Variants in PCBP3 observed in about 807,000 individuals in gnomAD.
The protein encoded by PCBP3 is poly(rC)-binding protein 3.
In PCBP3, 25 loss-of-function variants were observed where a neutral mutation model predicts 52.7. The ratio of observed to expected loss-of-function variants is 0.47; its 90% CI spans 0.35 to 0.66. The LOEUF (loss-of-function observed/expected upper bound fraction) is 0.66. Among genes scored for constraint, PCBP3 ranks in the 30% least tolerant of loss-of-function variants. The probability of loss-of-function intolerance (pLI) is 0.01; values close to 1 mark genes in which losing one functional copy is unlikely to be tolerated. For missense variants in PCBP3, 391 were observed against 490.3 expected (o/e 0.80, Z 1.91); for synonymous variants, 162 against 183.0 (o/e 0.89, Z 0.93).
chr21:45,646,107 C>CTCTCTCTCTGTG (rs1555895746), intron 1 of PCBP3, among the ~76,000 whole-genome samples: 33 of 83,774 alleles, frequency 3.9e-4, no homozygotes, highest in Non-Finnish European at 6.8e-4. Context: ...CTCTCTCTCT[C>CTCTCTCTCTGTG]TGTGTGTGTG....
Position 45,942,013 on chromosome 21 carries a change from T to G in PCBP3, c.*307T>G, listed in dbSNP as rs765779701. The G allele has an allele frequency of 6.0e-6, 2 of 335,152 alleles. No individual in the cohort carries two copies. The highest frequency in any genetic ancestry group is 1.1e-5 in the Non-Finnish European group (2 of 185,344). 20.8% of individuals were successfully genotyped at this position (335,152 alleles called of 1,614,324 possible). ...TTGTTCCTTGGTGTCAGCGTAGCTG[T>G]CTGTCTTAGGAGCTGGGTCGGCGTT... On this transcript the variant is annotated 3_prime_UTR_variant, in exon 18 of 18. Coordinates refer to ENST00000681687, the MANE Select transcript of PCBP3 (RefSeq NM_001384156.1).
rs1008011425 is a variant in PCBP3, at chr21:45,736,754, A to G, written c.-162+1325A>G. 6.6e-6 allele frequency among the ~76,000 whole-genome samples: 1 copy of G among 152,194 alleles called. No individual in the cohort carries two copies. The highest frequency in any genetic ancestry group is 2.4e-5 in the African/African-American group (1 of 41,446). ...TTGTTTGTTCCTTCATTCGTTCAGCACATGTTTACAGTGTGCCTGTGATGT... is the reference window on the plus strand; with the variant it reads ...TTGTTTGTTCCTTCATTCGTTCAGCGCATGTTTACAGTGTGCCTGTGATGT... On this transcript the variant is annotated intron_variant, in intron 3 of 17. Transcript: ENST00000681687. This position sits in a 1 kb window ranked among gnomAD's most constrained non-coding sequence, Gnocchi z 4.6.
At chr21:45,849,447 C>T (rs1027848145) in intron 4 of PCBP3, among the ~76,000 whole-genome samples, 4 of 152,050 alleles carry the variant, frequency 2.6e-5, no homozygotes, top group Admixed American at 6.5e-5. Flanking sequence ...CTTAAGTGAT[C>T]CTCCCGTCTT....
chr21:45,902,055 G>C (rs992415012), intron 9 of PCBP3, among the ~76,000 whole-genome samples: 1 of 152,232 alleles, frequency 6.6e-6, no homozygotes, highest in African/African-American at 2.4e-5. Flanking sequence ...GGGGAGCTTG[G>C]GAGTGGGAGA....
intron 2 of PCBP3, among the ~76,000 whole-genome samples, chr21:45,720,071 A>G (rs757356780): frequency 8.5e-5 from 13 of 152,272 alleles, no homozygotes; most frequent in Admixed American, 3.9e-4. Context: ...TTAGGGCTCA[A>G]TATGTTAAAA....
At chr21:45,909,598 A>T in intron 10 of PCBP3, 112 bp downstream of exon 10, 1 of 1,055,564 alleles carries the variant, frequency 9.5e-7, no homozygotes, top group South Asian at 1.5e-5. Context: ...TGCAAGCCCA[A>T]TGCTGGCCAC....
intron 4 of PCBP3, among the ~76,000 whole-genome samples, chr21:45,812,817 GT>G (rs1391782098): frequency 6.6e-6 from 1 of 152,166 alleles, no homozygotes; most frequent in Non-Finnish European, 1.5e-5. Context: ...TAGGTTAGAG[GT>G]TTTGGGATTT....
chr21:45,698,660 T>G (rs2082931412), intron 2 of PCBP3, among the ~76,000 whole-genome samples: 1 of 152,258 alleles, frequency 6.6e-6, no homozygotes, highest in African/African-American at 2.4e-5. Context: ...ATTAGCTCAT[T>G]GCTGCACTGC....
chr21:45,684,576 A>G (rs1470849169), intron 2 of PCBP3, among the ~76,000 whole-genome samples: 1 of 152,106 alleles, frequency 6.6e-6, no homozygotes, highest in Non-Finnish European at 1.5e-5. Context: ...CTGTTTAAAG[A>G]AGAGCATGGA....
chr21:45,719,731 A>G (rs2084488822), intron 2 of PCBP3, among the ~76,000 whole-genome samples: 1 of 152,192 alleles, frequency 6.6e-6, no homozygotes, highest in Admixed American at 6.5e-5. Flanking sequence ...CTGTGAGTCA[A>G]TTAAACTTCT....
At chr21:45,845,941 G>C (rs1884997821) in intron 4 of PCBP3, among the ~76,000 whole-genome samples, 1 of 152,194 alleles carries the variant, frequency 6.6e-6, no homozygotes, top group African/African-American at 2.4e-5. Context: ...GGTGAGGAAG[G>C]GGATCCCATG....
chr21:45,650,919 G>A (rs926673954), intron 1 of PCBP3, among the ~76,000 whole-genome samples: 1 of 152,124 alleles, frequency 6.6e-6, no homozygotes, highest in Non-Finnish European at 1.5e-5. Context: ...TTCAGATGGG[G>A]CGGGGTGGTA....
At chr21:45,785,016 G>A (rs1384378578) in intron 4 of PCBP3, among the ~76,000 whole-genome samples, 1 of 151,648 alleles carries the variant, frequency 6.6e-6, no homozygotes, top group African/African-American at 2.4e-5. Flanking sequence ...AGGAAGTGAG[G>A]AGCGTCTCTG....
intron 16 of PCBP3, among the ~76,000 whole-genome samples, chr21:45,937,030 TG>T (rs2076961126): frequency 6.6e-6 from 1 of 152,144 alleles, no homozygotes; most frequent in African/African-American, 2.4e-5. Flanking sequence ...CCAGATTTTG[TG>T]GGGGATGTAT....
chr21:45,672,568 T>C (rs2081239835), intron 2 of PCBP3, among the ~76,000 whole-genome samples: 3 of 152,126 alleles, frequency 2.0e-5, no homozygotes, highest in Non-Finnish European at 4.4e-5. Flanking sequence ...CCAGTAACTA[T>C]AGCCAAAGTT....
chr21:45,799,692 C>T (rs1236639894), intron 4 of PCBP3, among the ~76,000 whole-genome samples: 1 of 149,354 alleles, frequency 6.7e-6, no homozygotes, highest in African/African-American at 2.5e-5. Context: ...CCAAGGTATC[C>T]GTGCCTGGTC....
intron 9 of PCBP3, among the ~76,000 whole-genome samples, chr21:45,907,960 T>C (rs2096249923): frequency 1.2e-4 from 19 of 152,194 alleles, no homozygotes; most frequent in Admixed American, 1.2e-3. Flanking sequence ...TGACTAGCTG[T>C]AGCCAAAGAA....
At chr21:45,685,727 G>T (rs1003575736) in intron 2 of PCBP3, among the ~76,000 whole-genome samples, 8 of 152,142 alleles carry the variant, frequency 5.3e-5, no homozygotes, top group African/African-American at 1.9e-4. Context: ...GGCTTAGTTA[G>T]TTGGAGATTG....
chr21:45,797,968 A>T (rs865873144), intron 4 of PCBP3, among the ~76,000 whole-genome samples: 77 of 60,266 alleles, frequency 1.3e-3, no homozygotes, highest in African/African-American at 4.7e-3. Flanking sequence ...AGAGAGAGTG[A>T]ATGGATGTGT....
Sources: allele counts gnomAD v4.1 joint callset (sites outside exome capture counted in the v4.1 genomes callset), GRCh38; gene constraint gnomAD v4.1.1; non-coding constraint Gnocchi (gnomAD v3.1); transcripts MANE v1.5; gene names NCBI Gene and HGNC (gene_info 2026-07-23, HGNC 2026-07-21).